SPATA13: variants seen among roughly 807,000 people sequenced by gnomAD.
SPATA13 encodes spermatogenesis associated 13.
A neutral mutation model predicts 104.0 loss-of-function variants in SPATA13; 50 were observed. The ratio of observed to expected loss-of-function variants is 0.48; its 90% confidence interval spans 0.38 to 0.61. SPATA13 has a LOEUF of 0.61. Among genes scored for constraint, SPATA13 ranks in the 20% least tolerant of loss-of-function variants. SPATA13 has a pLI of 0.00. For missense variants in SPATA13, 1,524 were observed against 1,690.6 expected, an observed-to-expected ratio of 0.90 and a Z score of 1.73; for synonymous variants, 606 against 667.5, an observed-to-expected ratio of 0.91 and a Z score of 1.42.
intron 2 of SPATA13, among the ~76,000 whole-genome samples, chr13:23,986,723 A>C (rs1488249298): frequency 6.6e-6 from 1 of 152,180 alleles, no homozygotes; most frequent in African/African-American, 2.4e-5. Context: ...GCTCTTGGCT[A>C]TGATGTCTTA....
chr13:24,123,404 G>A (rs1881104842), intron 3 of SPATA13: 3 of 1,288,044 alleles, frequency 2.3e-6, no homozygotes, highest in African/African-American at 1.5e-5. Context: ...GTTCACTGCT[G>A]AAGAGGGGGA....
At chr13:24,025,685 C>T (rs9507216) in intron 3 of SPATA13, among the ~76,000 whole-genome samples, 81,653 of 152,074 alleles carry the variant, frequency 0.54, 22,089 homozygotes, top group Middle Eastern at 0.57. Context: ...GATTTTATTA[C>T]GGTTTAAATT....
intron 2 of SPATA13, among the ~76,000 whole-genome samples, chr13:23,991,320 T>C (rs873868): frequency 0.26 from 38,990 of 152,176 alleles, 5,365 homozygotes; most frequent in Non-Finnish European, 0.31. Flanking sequence ...ATAAATCCTG[T>C]GTTTGCAGAA....
rs1247958621 is a variant in SPATA13, at chr13:24,161,160, C to T, written c.-112+228C>T. 6.6e-6 allele frequency among the ~76,000 whole-genome samples: 1 copy of T among 152,190 alleles called. No individual in the cohort carries two copies. The highest frequency in any genetic ancestry group is 1.5e-5 in the Non-Finnish European group (1 of 68,034). On this transcript the variant is annotated intron_variant, in intron 1 of 12. Coordinates refer to ENST00000382108, the MANE Select transcript of SPATA13 (RefSeq NM_001166271.3). This position sits in a 1 kb window ranked among gnomAD's most constrained non-coding sequence, Gnocchi z 4.5. ...CGGTGGCTCTGCGCCCTCTGGGCCA[C>T]CCGGCACCATCGCTTTTGGGAGGAC...
At chr13:24,048,555 T>C (rs1878227254) in intron 3 of SPATA13, among the ~76,000 whole-genome samples, 1 of 152,186 alleles carries the variant, frequency 6.6e-6, no homozygotes, top group African/African-American at 2.4e-5. Flanking sequence ...TATATAACTT[T>C]CTCTTATTTT....
In SPATA13 at chr13:24,302,909, G is replaced by A; in HGVS notation, c.*136G>A. 8.9e-7 allele frequency: 1 copy of A among 1,124,678 alleles called. No homozygotes were observed. Among genetic ancestry groups the A allele is most frequent in the Non-Finnish European group, 1.3e-6 (1 of 784,496 alleles). The allele number at this position is 1,124,678 out of a possible 1,614,324, so 69.7% of individuals were successfully genotyped here. A position where few individuals can be genotyped will look rare whatever the true frequency, so the allele number is the denominator to read the frequency against. On this transcript the variant is annotated 3_prime_UTR_variant, in exon 13 of 13. Transcript: ENST00000382108. ...TTTTAGGGATCAATGAAGGAGAGAA[G>A]GTCTTGGAATCACCTTCAGTCTTTG...
At chr13:24,073,549 T>C (rs540374083) in intron 3 of SPATA13, among the ~76,000 whole-genome samples, 1 of 152,208 alleles carries the variant, frequency 6.6e-6, no homozygotes, top group Admixed American at 6.5e-5. Context: ...ACAGGTGACA[T>C]TGGTGCCGGT....
chr13:24,094,063 A>C (rs1489165828), intron 3 of SPATA13, among the ~76,000 whole-genome samples: 2 of 152,212 alleles, frequency 1.3e-5, no homozygotes, highest in Non-Finnish European at 2.9e-5. Context: ...CTATACCGGA[A>C]TGTCCTGAAC....
At chr13:24,027,135 T>G (rs1186080152) in intron 3 of SPATA13, among the ~76,000 whole-genome samples, 2 of 6,626 alleles carry the variant, frequency 3.0e-4, no homozygotes, top group South Asian at 4.2e-3. Flanking sequence ...TGTTTAGCCG[T>G]TTTTTTTTTT....
rs1275985116 is a variant in SPATA13, at chr13:24,286,184, T to G, written c.2302-30T>G. 1.3e-6 allele frequency: 2 copies of G among 1,588,482 alleles called. No homozygotes were observed. The highest frequency in any genetic ancestry group is 2.2e-5 in the East Asian group (1 of 44,548). The stretch of plus-strand genomic sequence containing the variant: ...CACCATCCCGCCCACTCGTGCTCTA[T>G]GCTGAGCGCACCCCACTGTCTCCTT... On this transcript the variant is annotated intron_variant, in intron 5 of 12. Coordinates refer to ENST00000382108, the MANE Select transcript of SPATA13 (RefSeq NM_001166271.3). This position sits in a 1 kb window ranked among gnomAD's most constrained non-coding sequence, Gnocchi z 4.9.
intron 3 of SPATA13, among the ~76,000 whole-genome samples, chr13:24,133,057 G>A (rs1235311612): frequency 1.3e-5 from 2 of 152,156 alleles, no homozygotes; most frequent in African/African-American, 4.8e-5. Context: ...GACAGTTGAG[G>A]CCAGGGAAGG....
chr13:24,275,444 G>A (rs900343683), intron 4 of SPATA13, among the ~76,000 whole-genome samples: 7 of 152,240 alleles, frequency 4.6e-5, no homozygotes, highest in Admixed American at 6.5e-5. Context: ...TCCCCAGTCA[G>A]AGAGGCGCTG....
chr13:24,114,383 G>GCGTGTGCCTGCATGTGTGCACATGCA (rs1566108230), intron 3 of SPATA13, among the ~76,000 whole-genome samples: 2 of 152,214 alleles, frequency 1.3e-5, no homozygotes, highest in African/African-American at 2.4e-5. Flanking sequence ...GTGCACATGC[G>GCGTGTGCCTGCATGTGTGCACATGCA]CGTGTGTGTG....
At chr13:24,037,370 AAAAAG>A (rs908716667) in intron 3 of SPATA13, among the ~76,000 whole-genome samples, 2 of 150,538 alleles carry the variant, frequency 1.3e-5, no homozygotes, top group East Asian at 3.9e-4. Flanking sequence ...AAATTAAAAA[AAAAAG>A]AAAAGAAAAC....
At chr13:24,109,111 T>C (rs9580874) in intron 3 of SPATA13, among the ~76,000 whole-genome samples, 12,156 of 152,124 alleles carry the variant, frequency 0.08, 929 homozygotes, top group African/African-American at 0.2. Context: ...CCTCTCCTTT[T>C]CCCGCACCCC....
intron 2 of SPATA13, among the ~76,000 whole-genome samples, chr13:24,002,667 G>A (rs12323145): frequency 0.017 from 2,634 of 152,220 alleles, 90 homozygotes; most frequent in African/African-American, 0.06. Flanking sequence ...TAGGACTGCC[G>A]CAAGCCTCGT....
intron 3 of SPATA13, among the ~76,000 whole-genome samples, chr13:24,020,823 C>T (rs1179190939): frequency 6.6e-6 from 1 of 152,118 alleles, no homozygotes; most frequent in Non-Finnish European, 1.5e-5. Context: ...GTGGGTGGAT[C>T]ACAAGGTCAC....
chr13:24,106,923 T>C (rs1248102852), intron 3 of SPATA13, among the ~76,000 whole-genome samples: 1 of 152,094 alleles, frequency 6.6e-6, no homozygotes, highest in Non-Finnish European at 1.5e-5. Flanking sequence ...AAGGTAGCCA[T>C]GTAGTGAAGT....
At chr13:24,044,116 G>A (rs1311005636) in intron 3 of SPATA13, among the ~76,000 whole-genome samples, 1 of 152,224 alleles carries the variant, frequency 6.6e-6, no homozygotes, top group African/African-American at 2.4e-5. Flanking sequence ...TGCCCTGGCT[G>A]GGGAGTGGCT....
Sources: gnomAD v4.1 joint callset for allele counts (sites outside exome capture counted in the v4.1 genomes callset) on GRCh38, gnomAD v4.1.1 for gene constraint, Gnocchi (gnomAD v3.1) non-coding constraint, MANE v1.5 for transcripts, NCBI Gene and HGNC (gene_info 2026-07-23, HGNC 2026-07-21) for gene names.